Variants in ST3GAL4 observed in about 807,000 individuals in gnomAD.
ST3GAL4 encodes the protein CMP-N-acetylneuraminate-beta-galactosamide-alpha-2,3-sialyltransferase 4.
Under a neutral mutation model 42.6 loss-of-function variants are expected in ST3GAL4, and 24 were observed. The ratio of observed to expected loss-of-function variants is 0.56; its 90% CI spans 0.41 to 0.79. ST3GAL4 has a LOEUF of 0.79. Ranked by LOEUF, ST3GAL4 falls within the 30% of genes least tolerant of loss-of-function variation. ST3GAL4 has a pLI of 0.00. For missense variants in ST3GAL4, 311 were observed against 430.8 expected, an observed-to-expected ratio of 0.72 and a Z score of 2.46; for synonymous variants, 135 against 163.2, an observed-to-expected ratio of 0.83 and a Z score of 1.32.
chr11:126,392,401 A>C lies in ST3GAL4; in HGVS notation c.-60-13695A>C. ...GACATGACAACCTCCAGTTCTGCAG[A>C]AGCCACTTCATTTGCCTGGGGATAA... On this transcript the variant is annotated intron_variant, in intron 1 of 10. Coordinates refer to ENST00000444328, the MANE Select transcript of ST3GAL4 (RefSeq NM_001254757.2). This position sits in a 1 kb window ranked among gnomAD's most constrained non-coding sequence, Gnocchi z 5.8. The C allele has an allele frequency of 1.0e-6, 1 of 984,668 alleles. No homozygotes were observed. Among genetic ancestry groups the C allele is most frequent in the Non-Finnish European group, 1.2e-6 (1 of 828,834 alleles). The allele number at this position is 984,668 out of a possible 1,614,324, so 61.0% of individuals were successfully genotyped here.
In ST3GAL4 at chr11:126,363,751, C is replaced by T. The variant is rs192027758; in HGVS notation, c.-61+7909C>T. Among the ~76,000 whole-genome samples the T allele has an allele frequency of 1.3e-5, 2 of 152,312 alleles. No homozygotes were observed. The highest frequency in any genetic ancestry group is 1.3e-4 in the Admixed American group (2 of 15,302). On this transcript the variant is annotated intron_variant, in intron 1 of 10. Transcript: ENST00000444328. The surrounding 1 kb of genome is among the most constrained non-coding windows in gnomAD (Gnocchi z 4.6). ...CCTCCACCCTCCTCTCTCTTGAGCT[C>T]TTTCTCCCAGGGGAAGCTGCTCGAA...
rs770204550 is a variant in ST3GAL4 at position 126,378,264 on chromosome 11, G to T, written c.-61+22422G>T. On this transcript the variant is annotated intron_variant, in intron 1 of 10. Transcript: ENST00000444328. This position sits in a 1 kb window ranked among gnomAD's most constrained non-coding sequence, Gnocchi z 5.3. ...GCATCCTATTACCCACGAGTTGGGG[G>T]TGATACGAATGTCATGGTTATTCTC... Among the ~76,000 whole-genome samples, 2 of 152,158 alleles carry T rather than the reference G, an allele frequency of 1.3e-5. No individual in the cohort carries two copies. Among genetic ancestry groups the T allele is most frequent in the Admixed American group, 6.5e-5 (1 of 15,268 alleles).
intron 1 of ST3GAL4, among the ~76,000 whole-genome samples, chr11:126,372,395 CT>C (rs1033765439): frequency 6.6e-6 from 1 of 150,882 alleles, no homozygotes; most frequent in Non-Finnish European, 1.5e-5. Flanking sequence ...GTCAGAATTT[CT>C]TTTTTTCTTT....
intron 1 of ST3GAL4, among the ~76,000 whole-genome samples, chr11:126,401,454 C>T (rs766853819): frequency 1.3e-4 from 20 of 151,600 alleles, no homozygotes; most frequent in Non-Finnish European, 2.4e-4. Flanking sequence ...TGTATCCCAG[C>T]TACTAGGGAG....
intron 1 of ST3GAL4, among the ~76,000 whole-genome samples, chr11:126,387,944 T>C (rs138960280): frequency 1.6e-4 from 25 of 152,364 alleles, no homozygotes; most frequent in Admixed American, 7.2e-4. Context: ...GATTAGACGA[T>C]ACCAGCACGC....
rs1473132647 is a variant in ST3GAL4, at chr11:126,411,443, TAGC to T, written c.771+2033_771+2035del. ...GTGAGCCACTGCGCCTGGCCTGTAT[TAGC>T]TTTCTGTTGCTCCCTAACTAATACC... On this transcript the variant is annotated intron_variant, in intron 9 of 10. Coordinates refer to ENST00000444328, the MANE Select transcript of ST3GAL4 (RefSeq NM_001254757.2). The surrounding 1 kb of genome is among the most constrained non-coding windows in gnomAD (Gnocchi z 6.3). Among the ~76,000 whole-genome samples, 3 of 152,136 alleles carry T rather than the reference TAGC, an allele frequency of 2.0e-5. No individual in the cohort carries two copies. The highest frequency in any genetic ancestry group is 2.9e-5 in the Non-Finnish European group (2 of 68,016).
At chr11:126,385,043 A>G (rs1047528958) in intron 1 of ST3GAL4, among the ~76,000 whole-genome samples, 24 of 152,020 alleles carry the variant, frequency 1.6e-4, no homozygotes, top group Non-Finnish European at 2.8e-4. Context: ...ATACCAGGAT[A>G]TGTTTTGAGA....
rs1445907619 is a variant in ST3GAL4 at position 126,391,173 on chromosome 11, C to T, written c.-60-14923C>T. 6.6e-6 allele frequency among the ~76,000 whole-genome samples: 1 copy of T among 152,114 alleles called. No individual in the cohort carries two copies. Among genetic ancestry groups the T allele is most frequent in the Non-Finnish European group, 1.5e-5 (1 of 68,026 alleles). ...CACGGGTGTACAGATATCTCTTTGA[C>T]ATCCTGGTCTCAAATATTTTGGGGA... On this transcript the variant is annotated intron_variant, in intron 1 of 10. Coordinates refer to ENST00000444328, the MANE Select transcript of ST3GAL4 (RefSeq NM_001254757.2). This position sits in a 1 kb window ranked among gnomAD's most constrained non-coding sequence, Gnocchi z 5.5.
intron 1 of ST3GAL4, among the ~76,000 whole-genome samples, chr11:126,372,304 AT>A (rs1952684927): frequency 6.6e-6 from 1 of 152,188 alleles, no homozygotes; most frequent in African/African-American, 2.4e-5. Context: ...TATAAGTGGA[AT>A]GATACAGTAT....
chr11:126,363,636 T>C lies in ST3GAL4; in HGVS notation c.-61+7794T>C, dbSNP rs1459032542. On this transcript the variant is annotated intron_variant, in intron 1 of 10. Transcript: ENST00000444328. The surrounding 1 kb of genome is among the most constrained non-coding windows in gnomAD (Gnocchi z 4.6). ...CCCTCATGCAACTCTTTGGACATCT[T>C]CCTGCAAAGGACGGTGGGATCTTGT... 6.6e-6 allele frequency among the ~76,000 whole-genome samples: 1 copy of C among 152,220 alleles called. No individual in the cohort carries two copies. The highest frequency in any genetic ancestry group is 1.9e-4 in the East Asian group (1 of 5,190).
chr11:126,398,393 G>A lies in ST3GAL4; in HGVS notation c.-60-7703G>A, dbSNP rs746666773. Reference sequence around the variant, plus strand: ...CATGTCCTGCCTTCCAGACACACTCGGGTAGGGACTTGGGCCCCCAAGGCC... The same window carrying A: ...CATGTCCTGCCTTCCAGACACACTCAGGTAGGGACTTGGGCCCCCAAGGCC... On this transcript the variant is annotated intron_variant, in intron 1 of 10. Coordinates refer to ENST00000444328, the MANE Select transcript of ST3GAL4 (RefSeq NM_001254757.2). This position sits in a 1 kb window ranked among gnomAD's most constrained non-coding sequence, Gnocchi z 4.7. Among the ~76,000 whole-genome samples the A allele has an allele frequency of 1.3e-5, 2 of 152,214 alleles. No homozygotes were observed. The highest frequency in any genetic ancestry group is 2.9e-5 in the Non-Finnish European group (2 of 68,028).
chr11:126,362,466 G>A (rs927766146), intron 1 of ST3GAL4, among the ~76,000 whole-genome samples: 1 of 152,136 alleles, frequency 6.6e-6, no homozygotes, highest in Non-Finnish European at 1.5e-5. Context: ...CTCCCAAAGT[G>A]TTGGGATTAT....
At chr11:126,364,926 T>C (rs187398066) in intron 1 of ST3GAL4, among the ~76,000 whole-genome samples, 198 of 149,172 alleles carry the variant, frequency 1.3e-3, no homozygotes, top group Middle Eastern at 0.01. Flanking sequence ...GAGCAAGAAG[T>C]GAATGTTCTC....
chr11:126,371,025 C>T (rs541462410), intron 1 of ST3GAL4, among the ~76,000 whole-genome samples: 1 of 151,774 alleles, frequency 6.6e-6, no homozygotes, highest in East Asian at 1.9e-4. Context: ...TATAACAGAC[C>T]TCCATGTGAT....
Position 126,361,989 on chromosome 11 carries a change from C to G in ST3GAL4, c.-61+6147C>G, listed in dbSNP as rs145773528. ...CTCTGCCTCCTGGGTTCAAGTGATT[C>G]TCCTGCCTCAGCCTCCCAAGTAGCT... On this transcript the variant is annotated intron_variant, in intron 1 of 10. Transcript: ENST00000444328. 6.7e-3 allele frequency among the ~76,000 whole-genome samples: 973 copies of G among 145,346 alleles called. 11 individuals are homozygous for G. Among genetic ancestry groups the G allele is most frequent in the African/African-American group, 0.021 (830 of 38,902 alleles).
chr11:126,407,811 G>C (rs1426361026), intron 6 of ST3GAL4, among the ~76,000 whole-genome samples, 177 bp downstream of exon 6: 3 of 151,820 alleles, frequency 2.0e-5, no homozygotes, highest in Non-Finnish European at 4.4e-5. Context: ...GAGGCTGCTC[G>C]AGGGTATTGC....
At chr11:126,407,407 A>G (rs1565425199) in intron 5 of ST3GAL4, 58 bp downstream of exon 5, 2 of 1,589,250 alleles carry the variant, frequency 1.3e-6, no homozygotes, top group Non-Finnish European at 8.6e-7. Flanking sequence ...GTTGCTTCCT[A>G]TTCTCTGCCG....
chr11:126,413,753 C>A, intron 10 of ST3GAL4, 105 bp downstream of exon 10: 2 of 1,538,896 alleles, frequency 1.3e-6, no homozygotes, highest in East Asian at 2.3e-5. Context: ...AGGTGGCTCC[C>A]GCAGTCAGAA....
At chr11:126,377,974 A>G (rs1436203463) in intron 1 of ST3GAL4, among the ~76,000 whole-genome samples, 1 of 152,206 alleles carries the variant, frequency 6.6e-6, no homozygotes, top group Non-Finnish European at 1.5e-5. Flanking sequence ...CACTCAACTG[A>G]GAGAAACGGG....
Sources: allele counts gnomAD v4.1 joint callset (sites outside exome capture counted in the v4.1 genomes callset), GRCh38; gene constraint gnomAD v4.1.1; non-coding constraint Gnocchi (gnomAD v3.1); transcripts MANE v1.5; gene names NCBI Gene and HGNC (gene_info 2026-07-23, HGNC 2026-07-21).